Variants in RICTOR observed in about 807,000 individuals in gnomAD.
RICTOR encodes rapamycin-insensitive companion of mTOR.
RICTOR carries 49 observed loss-of-function variants against 214.9 expected under a neutral mutation model. The observed-to-expected ratio is 0.23, with a 90% CI of 0.18 to 0.29. The LOEUF is 0.29. Among genes scored for constraint, RICTOR ranks in the 10% least tolerant of loss-of-function variants. RICTOR has a pLI of 1.00. For missense variants in RICTOR, 1,625 were observed against 2,047.0 expected, an observed-to-expected ratio of 0.79 and a Z score of 3.98; for synonymous variants, 717 against 711.3, an observed-to-expected ratio of 1.01 and a Z score of -0.13.
chr5:38,960,388 G>C lies in RICTOR; in HGVS notation c.1851+10C>G. On this transcript the variant is annotated intron_variant, in intron 20 of 37. Coordinates refer to ENST00000357387, the MANE Select transcript of RICTOR (RefSeq NM_152756.5). ...AAACATTTGCTCTGGAAAATATTCA[G>C]AATGCCCACCTCTTCAGATTCAAGA... 1 of 1,609,142 alleles carries C rather than the reference G, an allele frequency of 6.2e-7. No homozygotes were observed. Among genetic ancestry groups the C allele is most frequent in the South Asian group, 1.1e-5 (1 of 89,898 alleles).
At position 38,947,467 on chromosome 5, in the gene RICTOR, G is replaced by A. The variant is rs75653431; in HGVS notation, c.4137-26C>T. 1.4e-3 allele frequency: 2,178 copies of A among 1,517,406 alleles called. 33 individuals are homozygous for A. In the African/African-American group the frequency reaches 0.027, roughly 19 times the overall value. The allele number at this position is 1,517,406 out of a possible 1,614,324, so 94.0% of individuals were successfully genotyped here. The stretch of plus-strand genomic sequence containing the variant: ...CTATAAAACCATAAAGAAACCACTT[G>A]CATTAGTTTCTTGATCTGTAATTTT... On this transcript the variant is annotated intron_variant, in intron 31 of 37. Coordinates refer to ENST00000357387, the MANE Select transcript of RICTOR (RefSeq NM_152756.5).
At chr5:39,029,941 G>A (rs948449384) in intron 2 of RICTOR, among the ~76,000 whole-genome samples, 18 of 152,258 alleles carry the variant, frequency 1.2e-4, no homozygotes, top group African/African-American at 4.3e-4. Flanking sequence ...TAACACATTA[G>A]TCTATTTAAA....
chr5:39,041,211 T>C (rs1757141655), intron 2 of RICTOR, among the ~76,000 whole-genome samples: 1 of 152,202 alleles, frequency 6.6e-6, no homozygotes, highest in South Asian at 2.1e-4. Flanking sequence ...CTTGTAGGCA[T>C]ATAAAATGTG....
chr5:39,073,924 G>C (rs1284720906), intron 2 of RICTOR, among the ~76,000 whole-genome samples, 187 bp downstream of exon 2: 2 of 151,966 alleles, frequency 1.3e-5, no homozygotes, highest in African/African-American at 4.8e-5. Context: ...CGGGCGCTGG[G>C]TAGGGGGATG....
At chr5:39,049,594 A>AG (rs1280328121) in intron 2 of RICTOR, among the ~76,000 whole-genome samples, 1 of 149,898 alleles carries the variant, frequency 6.7e-6, no homozygotes, top group African/African-American at 2.4e-5. Flanking sequence ...CTCTGGCTTA[A>AG]GGGAAAAAAA....
chr5:38,966,116 AC>A (rs1223141835), intron 15 of RICTOR, among the ~76,000 whole-genome samples: 11 of 152,172 alleles, frequency 7.2e-5, no homozygotes, highest in African/African-American at 2.4e-4. Context: ...AACAAAAAAA[AC>A]AAAACAAAAC....
At chr5:39,032,017 T>C (rs1260806119) in intron 2 of RICTOR, among the ~76,000 whole-genome samples, 4 of 152,172 alleles carry the variant, frequency 2.6e-5, no homozygotes, top group Non-Finnish European at 1.5e-5. Context: ...CTAACAATTA[T>C]TAATTTCAAA....
At chr5:39,010,003 C>T (rs1405074327) in intron 3 of RICTOR, among the ~76,000 whole-genome samples, 2 of 152,180 alleles carry the variant, frequency 1.3e-5, no homozygotes, top group Non-Finnish European at 2.9e-5. Context: ...TGGTTTGGCT[C>T]TGTGTCCCCA....
intron 7 of RICTOR, among the ~76,000 whole-genome samples, chr5:38,990,523 T>TATATACACGATATATAC (rs141086118): frequency 0.24 from 31,655 of 129,620 alleles, 4,091 homozygotes; most frequent in Middle Eastern, 0.32. Flanking sequence ...ACGATATATA[T>TATATACACGATATATAC]ACGATATATA....
rs141891849 is a variant in RICTOR at position 39,028,076 on chromosome 5, T to G, written c.98-6940A>C. 2.1e-3 allele frequency among the ~76,000 whole-genome samples: 318 copies of G among 150,588 alleles called. 1 individual carries two copies. The highest frequency in any genetic ancestry group is 7.6e-3 in the African/African-American group (310 of 40,912). Reference sequence around the variant, plus strand: ...TCATTAATTAACAGGAAAATGAAAATTAAAACCACAGAAGTACCATTACAC... The same window carrying G: ...TCATTAATTAACAGGAAAATGAAAAGTAAAACCACAGAAGTACCATTACAC... On this transcript the variant is annotated intron_variant, in intron 2 of 37. Transcript: ENST00000357387.
chr5:38,945,758 A>G lies in RICTOR; in HGVS notation c.4400-34T>C, dbSNP rs765899771. On this transcript the variant is annotated intron_variant, in intron 33 of 37. Coordinates refer to ENST00000357387, the MANE Select transcript of RICTOR (RefSeq NM_152756.5). ...AAGTAAATATAAAACATAATCCAAT[A>G]AAGATAATACTTTTCAAGGTACCTT... 7.0e-6 allele frequency: 8 copies of G among 1,149,980 alleles called. No homozygotes were observed. In the Admixed American group the frequency reaches 1.6e-4, roughly 23 times the overall value. 71.2% of individuals were successfully genotyped at this position (1,149,980 alleles called of 1,614,324 possible).
chr5:38,945,851 AAAG>A (rs1222684907), intron 33 of RICTOR, 127 bp from the exon 34 acceptor site: 1 of 538,730 alleles, frequency 1.9e-6, no homozygotes, highest in Non-Finnish European at 3.2e-6. Context: ...GGAAAGAAAA[AAAG>A]AATAATTTGC....
At position 38,971,858 on chromosome 5, in the gene RICTOR, C is replaced by A. The variant is rs371505163; in HGVS notation, c.972+19G>T. ...GTTAAAGGTCCAGGAATGAAACAAT[C>A]CTAATAACTTTTACCTACCCTTATT... On this transcript the variant is annotated intron_variant, in intron 11 of 37. Transcript: ENST00000357387. 31 of 993,570 alleles carry A rather than the reference C, an allele frequency of 3.1e-5. No individual in the cohort carries two copies. The highest frequency in any genetic ancestry group is 4.8e-5 in the Non-Finnish European group (30 of 626,116). The allele number at this position is 993,570 out of a possible 1,614,324, so 61.5% of individuals were successfully genotyped here. A position where few individuals can be genotyped will look rare whatever the true frequency, so the allele number is the denominator to read the frequency against.
intron 10 of RICTOR, among the ~76,000 whole-genome samples, chr5:38,975,109 C>A (rs1482247297): frequency 6.6e-6 from 1 of 152,154 alleles, no homozygotes; most frequent in Non-Finnish European, 1.5e-5. Context: ...AAAACATGCA[C>A]AATCCCTATT....
At chr5:39,027,265 A>G (rs2150144953) in intron 2 of RICTOR, among the ~76,000 whole-genome samples, 1 of 152,312 alleles carries the variant, frequency 6.6e-6, no homozygotes, top group East Asian at 1.9e-4. Flanking sequence ...GAAAGTATAT[A>G]CTTCAAAAAT....
At chr5:39,045,858 A>G (rs1452662077) in intron 2 of RICTOR, among the ~76,000 whole-genome samples, 1 of 152,040 alleles carries the variant, frequency 6.6e-6, no homozygotes, top group East Asian at 1.9e-4. Context: ...TGGCTGTAGG[A>G]CACTAGATTT....
intron 6 of RICTOR, among the ~76,000 whole-genome samples, chr5:38,994,050 C>T (rs1035451214): frequency 2.6e-5 from 4 of 151,806 alleles, no homozygotes; most frequent in Non-Finnish European, 5.9e-5. Context: ...ATTAGCAGGG[C>T]GTGGTGGCGG....
chr5:39,034,422 A>C (rs1756503880), intron 2 of RICTOR, among the ~76,000 whole-genome samples: 1 of 152,228 alleles, frequency 6.6e-6, no homozygotes, highest in African/African-American at 2.4e-5. Flanking sequence ...TGCATTTCCA[A>C]CTGAGGTAAC....
intron 24 of RICTOR, 50 bp from the exon 25 acceptor site, chr5:38,957,780 A>T: frequency 1.0e-6 from 1 of 986,012 alleles, no homozygotes; most frequent in Non-Finnish European, 1.6e-6. Context: ...GCAAAAACGT[A>T]TCTTAAGAAG....
Sources: gnomAD v4.1 joint callset for allele counts (sites outside exome capture counted in the v4.1 genomes callset) on GRCh38, gnomAD v4.1.1 for gene constraint, MANE v1.5 for transcripts, NCBI Gene and HGNC (gene_info 2026-07-23, HGNC 2026-07-21) for gene names.